UNC5C: variants seen among roughly 807,000 people sequenced by gnomAD.
UNC5C encodes the protein unc-5 netrin receptor C, also known as netrin receptor UNC5C.
A neutral mutation model predicts 99.8 loss-of-function variants in UNC5C; 47 were observed. That is an observed-to-expected ratio of 0.47 (90% CI 0.37 to 0.60). The LOEUF (loss-of-function observed/expected upper bound fraction) is 0.60. Among genes scored for constraint, UNC5C ranks in the 20% least tolerant of loss-of-function variants. The pLI is 0.00. For missense variants in UNC5C, 1,062 were observed against 1,165.9 expected (o/e 0.91, Z 1.30); for synonymous variants, 487 against 452.2 (o/e 1.08, Z -0.98).
At chr4:95,499,779 G>A (rs1329345262) in intron 1 of UNC5C, among the ~76,000 whole-genome samples, 3 of 152,018 alleles carry the variant, frequency 2.0e-5, no homozygotes, top group East Asian at 1.9e-4. Context: ...ATTGATGTCC[G>A]GTTAGAAGTT....
intron 4 of UNC5C, among the ~76,000 whole-genome samples, chr4:95,251,243 A>G (rs1739713853): frequency 6.6e-6 from 1 of 152,256 alleles, no homozygotes; most frequent in Non-Finnish European, 1.5e-5. Flanking sequence ...AATACCTTTC[A>G]AAATGTAGCA....
At chr4:95,508,716 T>G (rs907663302) in intron 1 of UNC5C, among the ~76,000 whole-genome samples, 7 of 151,972 alleles carry the variant, frequency 4.6e-5, no homozygotes, top group Non-Finnish European at 2.9e-5. Flanking sequence ...GGTCAAAGTT[T>G]CTAGAAAAAG....
At chr4:95,383,262 TAC>T (rs35068196) in intron 1 of UNC5C, among the ~76,000 whole-genome samples, 9,375 of 150,860 alleles carry the variant, frequency 0.062, 356 homozygotes, top group Non-Finnish European at 0.082. Flanking sequence ...TGTGTGTGTT[TAC>T]ACACACACAC....
At chr4:95,528,832 A>G (rs1220396189) in intron 1 of UNC5C, among the ~76,000 whole-genome samples, 2 of 152,166 alleles carry the variant, frequency 1.3e-5, no homozygotes, top group African/African-American at 2.4e-5. Flanking sequence ...GAAAGAGGCG[A>G]TGAGAGGATA....
At chr4:95,477,945 T>C (rs1279026239) in intron 1 of UNC5C, among the ~76,000 whole-genome samples, 1 of 151,968 alleles carries the variant, frequency 6.6e-6, no homozygotes, top group Non-Finnish European at 1.5e-5. Flanking sequence ...AGTACCTACT[T>C]TACAGGTTGA....
At chr4:95,187,031 G>GGAGAA (rs1736860343) in intron 12 of UNC5C, among the ~76,000 whole-genome samples, 1 of 152,118 alleles carries the variant, frequency 6.6e-6, no homozygotes, top group South Asian at 2.1e-4. Flanking sequence ...ATGTGGAAGT[G>GGAGAA]GAGAAGAAGA....
chr4:95,282,780 T>A (rs1741106317), intron 3 of UNC5C, among the ~76,000 whole-genome samples: 1 of 152,214 alleles, frequency 6.6e-6, no homozygotes, highest in Non-Finnish European at 1.5e-5. Flanking sequence ...GGGGGTCTTA[T>A]GACCTATGAT....
intron 1 of UNC5C, among the ~76,000 whole-genome samples, chr4:95,428,218 T>C (rs1746538654): frequency 6.6e-6 from 1 of 152,144 alleles, no homozygotes; most frequent in Non-Finnish European, 1.5e-5. Flanking sequence ...AAAATTGTAA[T>C]TCTATACATG....
chr4:95,471,201 T>G (rs1372631540), intron 1 of UNC5C, among the ~76,000 whole-genome samples: 1 of 152,096 alleles, frequency 6.6e-6, no homozygotes, highest in African/African-American at 2.4e-5. Context: ...TGATTTTCCT[T>G]GGAAATGGTG....
At chr4:95,545,772 G>GCGCACACACACACACACACACACACA (rs6148582) in intron 1 of UNC5C, among the ~76,000 whole-genome samples, 10 of 148,316 alleles carry the variant, frequency 6.7e-5, no homozygotes, top group Non-Finnish European at 1.3e-4. Context: ...GCGCGCGCGC[G>GCGCACACACACACACACACACACACA]CACACACACA....
Position 95,245,131 on chromosome 4 carries a change from C to A in UNC5C, c.789G>T (p.Trp263Cys). 6.2e-7 allele frequency: 1 copy of A among 1,611,314 alleles called. No individual in the cohort carries two copies. Among genetic ancestry groups the A allele is most frequent in the Non-Finnish European group, 8.5e-7 (1 of 1,179,218 alleles). The change falls in exon 6 of 16, where the codon TGG becomes TGT. Residue 263 changes from tryptophan (W) to cysteine (C), a missense_variant. Trp to Cys is a radical substitution (Grantham distance 215). Transcript: ENST00000453304. ...ATVIVYVNGG[W>C]STWTEWSVCN... ...ACACAGACCACTCCGTCCAGGTGGA[C>A]CAGCCACCGTTGACTGAAAGGAGGC...
intron 1 of UNC5C, among the ~76,000 whole-genome samples, chr4:95,515,980 T>C (rs1722208041): frequency 6.6e-6 from 1 of 152,204 alleles, no homozygotes; most frequent in African/African-American, 2.4e-5. Context: ...CATGTATGTA[T>C]GAATATATTA....
intron 1 of UNC5C, among the ~76,000 whole-genome samples, chr4:95,379,600 C>T (rs895684408): frequency 3.3e-5 from 5 of 152,146 alleles, no homozygotes; most frequent in African/African-American, 1.2e-4. Context: ...TAGGAAATAT[C>T]CCCAGTGGAC....
chr4:95,485,530 G>T (rs1578189502), intron 1 of UNC5C, among the ~76,000 whole-genome samples: 1 of 151,694 alleles, frequency 6.6e-6, no homozygotes, highest in East Asian at 2.0e-4. Flanking sequence ...ACCTTCATGT[G>T]GCACCAAAGG....
chr4:95,453,196 G>A (rs1365838554), intron 1 of UNC5C, among the ~76,000 whole-genome samples: 2 of 152,062 alleles, frequency 1.3e-5, no homozygotes, highest in African/African-American at 2.4e-5. Context: ...TGCTGGGGGT[G>A]GGTTGAGAGA....
At chr4:95,310,970 C>T (rs569648318) in intron 2 of UNC5C, among the ~76,000 whole-genome samples, 13 of 152,192 alleles carry the variant, frequency 8.5e-5, no homozygotes, top group Non-Finnish European at 1.6e-4. Context: ...TTCCTTTGTG[C>T]GAGCATCAGG....
chr4:95,493,002 A>G (rs2149481941), intron 1 of UNC5C, among the ~76,000 whole-genome samples: 1 of 151,586 alleles, frequency 6.6e-6, no homozygotes, highest in Non-Finnish European at 1.5e-5. Context: ...AAACTACAGA[A>G]AAGCTAAAAA....
chr4:95,457,502 T>G (rs530520224), intron 1 of UNC5C, among the ~76,000 whole-genome samples: 1 of 152,206 alleles, frequency 6.6e-6, no homozygotes, highest in African/African-American at 2.4e-5. Flanking sequence ...GCACAAGAGA[T>G]TCTACTCTCA....
chr4:95,250,566 A>G lies in UNC5C; in HGVS notation c.696T>C (p.Ser232=). 1 of 1,614,080 alleles carries G rather than the reference A, an allele frequency of 6.2e-7. No homozygotes were observed. The highest frequency in any genetic ancestry group is 8.5e-7 in the Non-Finnish European group (1 of 1,179,990). Residue 232 remains serine (S), a synonymous_variant, in exon 5 of 16, where the codon TCT becomes TCC. Transcript: ENST00000453304. ...HNLIIKQARL[S]DTANYTCVAK... is the part of the protein sequence containing the mutation. ...CAACACAGGTGTAATTTGCAGTATC[A>G]GAGAGTCGGGCCTGCTTTATGATGA...
Sources: allele counts gnomAD v4.1 joint callset (sites outside exome capture counted in the v4.1 genomes callset), GRCh38; gene constraint gnomAD v4.1.1; transcripts MANE v1.5; gene names NCBI Gene and HGNC (gene_info 2026-07-23, HGNC 2026-07-21).